The following PIEZO2 variants were observed in gnomAD, a reference collection of about 807,000 sequenced individuals.
PIEZO2 encodes piezo-type mechanosensitive ion channel component 2.
Under a neutral mutation model 337.3 loss-of-function variants are expected in PIEZO2, and 172 were observed. The ratio of observed to expected loss-of-function variants is 0.51; its 90% CI spans 0.45 to 0.58. The LOEUF (loss-of-function observed/expected upper bound fraction) is 0.58, where lower values mean the gene tolerates loss of function less well. Ranked by LOEUF, PIEZO2 falls within the 20% of genes least tolerant of loss-of-function variation. The pLI is 0.00. For missense variants in PIEZO2, 3,028 were observed against 3,391.3 expected (o/e 0.89, Z 2.66); for synonymous variants, 1,251 against 1,228.5 (o/e 1.02, Z -0.38).
chr18:11,090,777 T>C (rs1324980650), intron 1 of PIEZO2, among the ~76,000 whole-genome samples: 1 of 151,766 alleles, frequency 6.6e-6, no homozygotes, highest in Admixed American at 6.6e-5. Context: ...CTGGGCGTGG[T>C]GGCGGGCGCC....
At position 10,676,732 on chromosome 18, in the gene PIEZO2, G is replaced by A. The variant is rs2034021373; in HGVS notation, c.8081+1015C>T. Among the ~76,000 whole-genome samples the A allele has an allele frequency of 6.6e-6, 1 of 152,220 alleles. No homozygotes were observed. Among genetic ancestry groups the A allele is most frequent in the South Asian group, 2.1e-4 (1 of 4,834 alleles). On this transcript the variant is annotated intron_variant, in intron 53 of 55. Coordinates refer to ENST00000674853, the MANE Select transcript of PIEZO2 (RefSeq NM_001378183.1). This position sits in a 1 kb window ranked among gnomAD's most constrained non-coding sequence, Gnocchi z 5.1. ...CAGAGAGTGGGAGGAGAATGTGCTT[G>A]ACACTAGTGGCTCCCTAAGAAGGAA...
intron 7 of PIEZO2, among the ~76,000 whole-genome samples, chr18:10,831,205 T>C (rs186233043): frequency 6.6e-6 from 1 of 152,302 alleles, no homozygotes; most frequent in East Asian, 1.9e-4. Flanking sequence ...GAAAGAAGTA[T>C]ATCGAAGAGA....
intron 30 of PIEZO2, 125 bp from the exon 31 acceptor site, chr18:10,744,356 T>G: frequency 1.5e-6 from 1 of 650,420 alleles, no homozygotes; most frequent in Non-Finnish European, 2.6e-6. Flanking sequence ...TGTAGTTTCC[T>G]GGCTGGGAGC....
chr18:11,014,317 G>C (rs139669352), intron 2 of PIEZO2, among the ~76,000 whole-genome samples: 1 of 69,494 alleles, frequency 1.4e-5, no homozygotes, highest in Admixed American at 1.4e-4. Flanking sequence ...GTGGGACAGC[G>C]ATCCGGGGCT....
At chr18:11,093,164 C>T (rs1417745058) in intron 1 of PIEZO2, among the ~76,000 whole-genome samples, 1 of 152,134 alleles carries the variant, frequency 6.6e-6, no homozygotes, top group Non-Finnish European at 1.5e-5. Context: ...CCTTTTCTCT[C>T]TCAATTATAT....
Position 10,671,772 on chromosome 18 carries a change from C to A in PIEZO2, c.8353G>T (p.Gly2785Ter). 6.2e-7 allele frequency: 1 copy of A among 1,604,214 alleles called. No homozygotes were observed. Among genetic ancestry groups the A allele is most frequent in the Non-Finnish European group, 8.5e-7 (1 of 1,174,846 alleles). ...ACAAGGACAACTGAAGCATATAATC[C>A]CATAATACTGAAAAAAACAGTAAGT... ...LGFLAGYGIM[G>*]LYASVVLVIG... Residue 2785 changes from glycine (G) to a stop codon, truncating the protein, a stop_gained, in exon 56 of 56, where the codon GGA becomes TGA. Coordinates refer to ENST00000674853, the MANE Select transcript of PIEZO2 (RefSeq NM_001378183.1). LOFTEE classifies it high-confidence loss of function.
Position 10,866,116 on chromosome 18 carries a change from G to A in PIEZO2, c.492+5137C>T, listed in dbSNP as rs547048446. Among the ~76,000 whole-genome samples, 37 of 152,188 alleles carry A rather than the reference G, an allele frequency of 2.4e-4. No individual in the cohort carries two copies. In the South Asian group the frequency reaches 3.7e-3, roughly 15 times the overall value. On this transcript the variant is annotated intron_variant, in intron 5 of 55. Transcript: ENST00000674853. The stretch of plus-strand genomic sequence containing the variant: ...ATGTTGCTAAATTAATTAAATGGGC[G>A]AAATAAAAATGAAGATTAATCTGTA...
In PIEZO2 at chr18:10,856,322, G is replaced by A. The variant is rs986868250; in HGVS notation, c.703+679C>T. 6.6e-6 allele frequency among the ~76,000 whole-genome samples: 1 copy of A among 152,126 alleles called. No individual in the cohort carries two copies. The highest frequency in any genetic ancestry group is 1.5e-5 in the Non-Finnish European group (1 of 67,998). On this transcript the variant is annotated intron_variant, in intron 6 of 55. Coordinates refer to ENST00000674853, the MANE Select transcript of PIEZO2 (RefSeq NM_001378183.1). The surrounding 1 kb of genome is among the most constrained non-coding windows in gnomAD (Gnocchi z 4.7). ...ATTAAAATGTTGTGGTTTATTTCTT[G>A]AGAAATTCTACTGTCATTTCCCCCA...
intron 41 of PIEZO2, 35 bp downstream of exon 41, chr18:10,705,301 G>T: frequency 6.8e-7 from 1 of 1,478,042 alleles, no homozygotes; most frequent in South Asian, 1.3e-5. Context: ...TGGTGATTTG[G>T]GGATATGTGT....
intron 3 of PIEZO2, among the ~76,000 whole-genome samples, chr18:10,934,443 A>G (rs1023240584): frequency 6.6e-6 from 1 of 152,196 alleles, no homozygotes; most frequent in Non-Finnish European, 1.5e-5. Context: ...ATTCAGTGGA[A>G]AAGTATGAAA....
rs2039648416 is a variant in PIEZO2 at position 10,797,371 on chromosome 18, T to C, written c.1527+3A>G. ...ATTATACCTATCATCATATCATACA[T>C]ACCATCATAGCTATGAGGGCACAGA... On this transcript the variant is annotated splice_donor_region_variant and intron_variant, in intron 12 of 55. Transcript: ENST00000674853. 2 of 1,531,424 alleles carry C rather than the reference T, an allele frequency of 1.3e-6. No individual in the cohort carries two copies. Among genetic ancestry groups the C allele is most frequent in the African/African-American group, 1.4e-5 (1 of 72,958 alleles). 94.9% of individuals were successfully genotyped at this position (1,531,424 alleles called of 1,614,324 possible).
At chr18:10,705,195 G>C in intron 41 of PIEZO2, 141 bp downstream of exon 41, 1 of 1,130,996 alleles carries the variant, frequency 8.8e-7, no homozygotes, top group South Asian at 1.7e-5. Context: ...TGCAGTGCAA[G>C]AAGTCTTGGA....
intron 28 of PIEZO2, among the ~76,000 whole-genome samples, chr18:10,751,659 C>T (rs1009499580): frequency 9.2e-5 from 14 of 152,304 alleles, no homozygotes; most frequent in Admixed American, 7.2e-4. Context: ...GAGCTCATCC[C>T]TAAGTAGCTA....
At chr18:11,045,175 T>C (rs1475423235) in intron 2 of PIEZO2, among the ~76,000 whole-genome samples, 1 of 151,100 alleles carries the variant, frequency 6.6e-6, no homozygotes, top group Non-Finnish European at 1.5e-5. Flanking sequence ...CAGGCGACTG[T>C]AGTCTCAGCT....
rs2038039750 is a variant in PIEZO2 at position 10,759,676 on chromosome 18, T to TAGA, written c.3655+26_3655+28dup. ...GCTCAGTAATGGCTTCTTCTAAAAG[T>TAGA]AGACGGCTCAAGGGAAGGGCAGGCT... On this transcript the variant is annotated intron_variant, in intron 25 of 55. Coordinates refer to ENST00000674853, the MANE Select transcript of PIEZO2 (RefSeq NM_001378183.1). This position sits in a 1 kb window ranked among gnomAD's most constrained non-coding sequence, Gnocchi z 5.5. 6.5e-6 allele frequency: 10 copies of TAGA among 1,536,726 alleles called. No homozygotes were observed. The East Asian group carries it at 2.4e-4, about 38-fold the overall frequency.
chr18:10,828,971 C>T lies in PIEZO2; in HGVS notation c.918-21697G>A, dbSNP rs1282398238. Among the ~76,000 whole-genome samples the T allele has an allele frequency of 6.6e-6, 1 of 152,186 alleles. No homozygotes were observed. Among genetic ancestry groups the T allele is most frequent in the East Asian group, 1.9e-4 (1 of 5,182 alleles). The stretch of plus-strand genomic sequence containing the variant: ...TCATGTCTTCATTGGGCTCTCTCCT[C>T]TCAACCATTCACTCCTTACTTAATT... On this transcript the variant is annotated intron_variant, in intron 7 of 55. Transcript: ENST00000674853. This position sits in a 1 kb window ranked among gnomAD's most constrained non-coding sequence, Gnocchi z 4.1.
intron 1 of PIEZO2, among the ~76,000 whole-genome samples, chr18:11,139,455 C>T (rs1057507237): frequency 5.9e-5 from 9 of 152,048 alleles, no homozygotes; most frequent in Non-Finnish European, 1.0e-4. Context: ...TCTTGATAAG[C>T]CCCTAATTGC....
rs529610192 is a variant in PIEZO2 at position 11,126,658 on chromosome 18, C to T, written c.64+21867G>A. Among the ~76,000 whole-genome samples the T allele has an allele frequency of 1.1e-4, 16 of 151,644 alleles. No homozygotes were observed. In the East Asian group the frequency reaches 1.7e-3, roughly 17 times the overall value. ...TTTTTTTTTTTTGTATTCCCAGAAT[C>T]GAGCCATCCTGATAGGCCAGTAAAT... is the stretch of plus-strand genomic sequence containing the variant. On this transcript the variant is annotated intron_variant, in intron 1 of 55. Transcript: ENST00000674853. This position sits in a 1 kb window ranked among gnomAD's most constrained non-coding sequence, Gnocchi z 4.6.
chr18:10,900,204 CACACACAA>C (rs1313587489), intron 4 of PIEZO2, among the ~76,000 whole-genome samples: 4 of 151,526 alleles, frequency 2.6e-5, no homozygotes, highest in African/African-American at 9.7e-5. Context: ...CACACACACA[CACACACAA>C]ACACCTAAAT....
Sources: allele counts gnomAD v4.1 joint callset (sites outside exome capture counted in the v4.1 genomes callset), GRCh38; gene constraint gnomAD v4.1.1; non-coding constraint Gnocchi (gnomAD v3.1); transcripts MANE v1.5; gene names NCBI Gene and HGNC (gene_info 2026-07-23, HGNC 2026-07-21).